The following TTC21B variants were observed in gnomAD, a reference collection of about 807,000 sequenced individuals.
The protein encoded by TTC21B is tetratricopeptide repeat protein 21B.
Under a neutral mutation model 175.1 loss-of-function variants are expected in TTC21B, and 127 were observed. The ratio of observed to expected loss-of-function variants is 0.73; its 90% CI spans 0.63 to 0.84. The LOEUF (loss-of-function observed/expected upper bound fraction) is 0.84. Ranked by LOEUF, TTC21B falls within the 40% of genes least tolerant of loss-of-function variation. The pLI is 0.00. For synonymous variants in TTC21B, 524 were observed against 524.5 expected, an observed-to-expected ratio of 1.00 and a Z score of 0.01; for missense variants, 1,561 against 1,558.3, an observed-to-expected ratio of 1.00 and a Z score of -0.03.
chr2:165,929,599 A>G (rs370864018), intron 10 of TTC21B, 51 bp downstream of exon 10: 1 of 1,307,546 alleles, frequency 7.6e-7, no homozygotes, highest in Admixed American at 1.7e-5. Context: ...TAATAATTTC[A>G]TATTTTATAA....
intron 22 of TTC21B, among the ~76,000 whole-genome samples, chr2:165,896,168 G>A (rs1420624610): frequency 2.6e-5 from 4 of 151,980 alleles, no homozygotes; most frequent in Non-Finnish European, 4.4e-5. Context: ...AAGGTGGTGG[G>A]GTTTAGAAGA....
At position 165,943,343 on chromosome 2, in the gene TTC21B, T is replaced by G. The variant is rs746619372; in HGVS notation, c.430-2A>C. Reference sequence around the variant, plus strand: ...AAGCCATGCTTTCAAAACGTGTCCCTGTAAAATGAATAATTCTATTTTTAC... The same window carrying G: ...AAGCCATGCTTTCAAAACGTGTCCCGGTAAAATGAATAATTCTATTTTTAC... On this transcript the variant is annotated splice_acceptor_variant, in intron 4 of 28. Coordinates refer to ENST00000243344, the MANE Select transcript of TTC21B (RefSeq NM_024753.5). LOFTEE classifies it high-confidence loss of function. 1.2e-6 allele frequency: 2 copies of G among 1,600,714 alleles called. No homozygotes were observed. Among genetic ancestry groups the G allele is most frequent in the East Asian group, 4.5e-5 (2 of 44,752 alleles).
At chr2:165,891,283 C>T (rs2105292572) in intron 22 of TTC21B, among the ~76,000 whole-genome samples, 1 of 152,106 alleles carries the variant, frequency 6.6e-6, no homozygotes, top group Middle Eastern at 3.4e-3. Context: ...AGAAACAGCC[C>T]CTACCTAGGT....
rs1421361031 is a variant in TTC21B, at chr2:165,873,943, T to A, written c.*812A>T. 1.3e-5 allele frequency: 2 copies of A among 152,074 alleles called. No homozygotes were observed. Among genetic ancestry groups the A allele is most frequent in the African/African-American group, 4.8e-5 (2 of 41,440 alleles). 9.4% of individuals were successfully genotyped at this position (152,074 alleles called of 1,614,324 possible). ...TTTTGAGTTCCAAGAGGAATATAAA[T>A]CATCTATTTATAAAACCTTTATTAA... On this transcript the variant is annotated 3_prime_UTR_variant, in exon 29 of 29. Transcript: ENST00000243344.
At chr2:165,891,192 G>T (rs1036855970) in intron 22 of TTC21B, among the ~76,000 whole-genome samples, 1 of 151,928 alleles carries the variant, frequency 6.6e-6, no homozygotes, top group African/African-American at 2.4e-5. Context: ...GGCTAGGCTG[G>T]TCACAGTGTC....
At position 165,907,610 on chromosome 2, in the gene TTC21B, T is replaced by C. The variant is rs146193693; in HGVS notation, c.2568+68A>G. ...GCCAAAAGAGATTGCTTTCCTCTTA[T>C]ACATGGCATATTTCCTTCTGCATCC... On this transcript the variant is annotated intron_variant, in intron 19 of 28. Transcript: ENST00000243344. 286 of 1,024,586 alleles carry C rather than the reference T, an allele frequency of 2.8e-4. 2 individuals are homozygous for C. In the East Asian group the frequency reaches 6.5e-3, roughly 23 times the overall value. The allele number at this position is 1,024,586 out of a possible 1,614,324, so 63.5% of individuals were successfully genotyped here. A position where few individuals can be genotyped will look rare whatever the true frequency, so the allele number is the denominator to read the frequency against.
At position 165,949,591 on chromosome 2, in the gene TTC21B, G is replaced by A. The variant is rs370743264; in HGVS notation, c.151+4C>T. On this transcript the variant is annotated splice_donor_region_variant and intron_variant, in intron 2 of 28. Coordinates refer to ENST00000243344, the MANE Select transcript of TTC21B (RefSeq NM_024753.5). ...ATGGAACATGTTTAATGATTAACAC[G>A]TACCTTCCATTAATGTGCCATAGGC... 1.5e-5 allele frequency: 25 copies of A among 1,613,604 alleles called. No individual in the cohort carries two copies. The highest frequency in any genetic ancestry group is 1.6e-4 in the Middle Eastern group (1 of 6,080).
chr2:165,874,645 G>A lies in TTC21B; in HGVS notation c.*110C>T. The A allele has an allele frequency of 3.2e-6, 3 of 943,130 alleles. No individual in the cohort carries two copies. Among genetic ancestry groups the A allele is most frequent in the East Asian group, 2.5e-5 (1 of 39,596 alleles). The allele number at this position is 943,130 out of a possible 1,614,324, so 58.4% of individuals were successfully genotyped here. On this transcript the variant is annotated 3_prime_UTR_variant, in exon 29 of 29. Coordinates refer to ENST00000243344, the MANE Select transcript of TTC21B (RefSeq NM_024753.5). ...AGCAACCTCTGCTGGAGAAAAAAGG[G>A]TATACTTCTAATAACAAAGCACTGA...
rs554851165 is a variant in TTC21B at position 165,883,838 on chromosome 2, C to T, written c.3640G>A (p.Asp1214Asn). 5.0e-6 allele frequency: 8 copies of T among 1,614,048 alleles called. No homozygotes were observed. In the African/African-American group the frequency reaches 6.7e-5, roughly 13 times the overall value. Residue 1214 changes from aspartate to asparagine, a missense_variant, in exon 26 of 29, where the codon GAC becomes AAC. Transcript: ENST00000243344. ...ADIYIQSAKY[D>N]MAEDLLKRCL... ...CGTTTTAACAGGTCTTCTGCCATGTCATATTTTGCTGATTGAATGTAAATA... is the reference window on the plus strand; with the variant it reads ...CGTTTTAACAGGTCTTCTGCCATGTTATATTTTGCTGATTGAATGTAAATA...
rs551453985 is a variant in TTC21B at position 165,873,389 on chromosome 2, T to C, written c.*1366A>G. On this transcript the variant is annotated 3_prime_UTR_variant, in exon 29 of 29. Transcript: ENST00000243344. ...ACTTATAAATACTGTTTATTGTAAA[T>C]GCAAATAAAATTGAGGACTGTGTTT... 46 of 152,228 alleles carry C rather than the reference T, an allele frequency of 3.0e-4. No homozygotes were observed. The highest frequency in any genetic ancestry group is 1.1e-3 in the African/African-American group (46 of 41,540). 9.4% of individuals were successfully genotyped at this position (152,228 alleles called of 1,614,324 possible). A position where few individuals can be genotyped will look rare whatever the true frequency, so the allele number is the denominator to read the frequency against.
chr2:165,906,950 C>T (rs559600226), intron 19 of TTC21B, among the ~76,000 whole-genome samples: 4 of 122,726 alleles, frequency 3.3e-5, no homozygotes, highest in African/African-American at 1.3e-4. Context: ...AGCAAAACTC[C>T]GTCTCAAAAA....
intron 6 of TTC21B, among the ~76,000 whole-genome samples, chr2:165,940,110 C>T (rs1447534963): frequency 1.3e-5 from 2 of 152,126 alleles, no homozygotes; most frequent in Admixed American, 1.3e-4. Context: ...CTTGGAATCA[C>T]CTTAAACTAT....
At chr2:165,949,791 A>G in intron 1 of TTC21B, 67 bp from the exon 2 acceptor site, 4 of 1,473,346 alleles carry the variant, frequency 2.7e-6, no homozygotes, top group Non-Finnish European at 3.8e-6. Flanking sequence ...TAAGAAGCAG[A>G]TAATAATCTA....
intron 6 of TTC21B, among the ~76,000 whole-genome samples, chr2:165,937,945 C>T (rs1687219282): frequency 6.6e-6 from 1 of 151,924 alleles, no homozygotes; most frequent in Admixed American, 6.6e-5. Flanking sequence ...ATGACTGATA[C>T]CTACTTGGGG....
intron 11 of TTC21B, among the ~76,000 whole-genome samples, chr2:165,925,611 A>G (rs905541012): frequency 6.6e-6 from 1 of 152,180 alleles, no homozygotes; most frequent in Admixed American, 6.6e-5. Context: ...CACACACAAT[A>G]TATACGCTCA....
rs1213663988 is a variant in TTC21B at position 165,930,245 on chromosome 2, T to C, written c.1014A>G (p.Gly338=). 1 of 1,613,240 alleles carries C rather than the reference T, an allele frequency of 6.2e-7. No homozygotes were observed. Among genetic ancestry groups the C allele is most frequent in the Non-Finnish European group, 8.5e-7 (1 of 1,179,498 alleles). The change falls in exon 9 of 29, where the codon GGA becomes GGG. Residue 338 remains glycine, a synonymous_variant. Coordinates refer to ENST00000243344, the MANE Select transcript of TTC21B (RefSeq NM_024753.5). ...ACCACTTCAGTGCCTCTTTAACTCT[T>C]CCTTGTAAAATCATTTGGTATCCAA... The part of the protein sequence containing the change: ...TELGYQMILQ[G]RVKEALKWYK...
intron 12 of TTC21B, among the ~76,000 whole-genome samples, chr2:165,920,674 C>A (rs1001674681): frequency 7.2e-6 from 1 of 138,682 alleles, no homozygotes; most frequent in African/African-American, 2.8e-5. Context: ...AAAATGAGTG[C>A]CGTATGAGTA....
Position 165,915,219 on chromosome 2 carries a change from A to G in TTC21B, c.2120T>C (p.Leu707Ser). ...TACTTACCTAAAACAAGTGATATAT[A>G]ACATTTTATCTTTTCTGTGCTTCAG... ...IYLKHRKDKM[L>S]YITCFREIAE... is the part of the protein sequence containing the mutation. Residue 707 changes from leucine (L) to serine (S), a missense_variant, in exon 15 of 29, where the codon TTA becomes TCA. Coordinates refer to ENST00000243344, the MANE Select transcript of TTC21B (RefSeq NM_024753.5). 2 of 1,613,190 alleles carry G rather than the reference A, an allele frequency of 1.2e-6. No homozygotes were observed. The highest frequency in any genetic ancestry group is 2.2e-5 in the South Asian group (2 of 91,062).
Position 165,888,298 on chromosome 2 carries a change from G to C in TTC21B, c.3440C>G (p.Thr1147Ser), listed in dbSNP as rs533684285. The part of the protein sequence containing the change: ...SNVEQALNTF[T>S]EIAASEKEHI... The stretch of plus-strand genomic sequence containing the variant: ...ACTAACCTCAGATGCTGCTATTTCA[G>C]TGAAGGTATTTAATGCTTGTTCAAC... Residue 1147 changes from threonine (T) to serine (S), a missense_variant, in exon 25 of 29, where the codon ACT becomes AGT. Physicochemically the swap from Thr to Ser is moderately conservative, Grantham distance 58. Coordinates refer to ENST00000243344, the MANE Select transcript of TTC21B (RefSeq NM_024753.5). 1.2e-6 allele frequency: 2 copies of C among 1,613,434 alleles called. No homozygotes were observed. The highest frequency in any genetic ancestry group is 2.2e-5 in the South Asian group (2 of 91,074).
Sources: allele counts gnomAD v4.1 joint callset (sites outside exome capture counted in the v4.1 genomes callset), GRCh38; gene constraint gnomAD v4.1.1; transcripts MANE v1.5; gene names NCBI Gene and HGNC (gene_info 2026-07-23, HGNC 2026-07-21).